DDO: variants seen among roughly 807,000 people sequenced by gnomAD.
The protein encoded by DDO is D-aspartate oxidase, DDO.
Under a neutral mutation model 16.8 loss-of-function variants are expected in DDO, and 16 were observed. The ratio of observed to expected loss-of-function variants is 0.95; its 90% confidence interval spans 0.65 to 1.45. The LOEUF is 1.45. DDO is among the 40% of genes most tolerant of loss of function. The pLI, the probability that DDO is intolerant of heterozygous loss-of-function variation, is 0.00. For missense variants in DDO, 429 were observed against 420.3 expected (o/e 1.02, Z -0.18); for synonymous variants, 180 against 167.2 (o/e 1.08, Z -0.59).
chr6:110,400,115 G>A lies in DDO; in HGVS notation c.458+4659C>T, dbSNP rs191028525. 3.3e-4 allele frequency among the ~76,000 whole-genome samples: 50 copies of A among 152,326 alleles called. No individual in the cohort carries two copies. The East Asian group carries it at 7.0e-3, about 21-fold the overall frequency. On this transcript the variant is annotated intron_variant, in intron 4 of 4. Transcript: ENST00000368924. ...TGACCGCAGGCCCGCAGCCCAGGAC[G>A]GGGTGGCAGGGTTGACCCAGGCCTT... is the stretch of plus-strand genomic sequence containing the variant.
Position 110,413,302 on chromosome 6 carries a change from T to C in DDO, c.161A>G (p.His54Arg), listed in dbSNP as rs1163655857. The change falls in exon 2 of 5, where the codon CAC (histidine) becomes CGC (arginine). Residue 54 changes from histidine (H) to arginine (R), a missense_variant. By Grantham distance (29) the His-to-Arg change is conservative. Coordinates refer to ENST00000368924, the MANE Select transcript of DDO (RefSeq NM_001372108.2). ...CTGAAATCTCTCACCTGGATAAGTG[T>C]GAGGAATAAGCATTCCGGCTGCCAC... ...SDVAAGMLIP[H>R]TYPDTPIHTQ... 1 of 1,614,004 alleles carries C rather than the reference T, an allele frequency of 6.2e-7. No homozygotes were observed. Among genetic ancestry groups the C allele is most frequent in the East Asian group, 2.2e-5 (1 of 44,894 alleles).
In DDO at chr6:110,413,447, T is replaced by A. The variant is rs377347340; in HGVS notation, c.16A>T (p.Ile6Phe). The A allele has an allele frequency of 1.2e-6, 2 of 1,613,450 alleles. No homozygotes were observed. The highest frequency in any genetic ancestry group is 2.7e-5 in the African/African-American group (2 of 74,864). The change falls in exon 2 of 5, where the codon ATT (isoleucine) becomes TTT (phenylalanine). Residue 6 changes from isoleucine (I) to phenylalanine (F), a missense_variant. By Grantham distance (21) the Ile-to-Phe change is conservative. Coordinates refer to ENST00000368924, the MANE Select transcript of DDO (RefSeq NM_001372108.2). MDTAR[I>F]AVVGAGVVGL... is the part of the protein sequence containing the mutation. The stretch of plus-strand genomic sequence containing the variant: ...ACCACACCTGCCCCGACAACTGCAA[T>A]CCGTGCTGTGTCCATGAGCCTGTGA...
Position 110,396,820 on chromosome 6 carries a change from A to G in DDO, c.459-3478T>C, listed in dbSNP as rs192762830. On this transcript the variant is annotated intron_variant, in intron 4 of 4. Coordinates refer to ENST00000368924, the MANE Select transcript of DDO (RefSeq NM_001372108.2). ...CTCTCAGTAAGAATAACCAATTTAGAAGCTTAAATTATGTTCTTAAACATG... is the reference window on the plus strand; with the variant it reads ...CTCTCAGTAAGAATAACCAATTTAGGAGCTTAAATTATGTTCTTAAACATG... Among the ~76,000 whole-genome samples the G allele has an allele frequency of 2.0e-3, 308 of 152,286 alleles. 1 individual carries two copies. The highest frequency in any genetic ancestry group is 7.2e-3 in the African/African-American group (298 of 41,552).
intron 3 of DDO, among the ~76,000 whole-genome samples, chr6:110,406,046 C>T (rs944833368): frequency 1.3e-5 from 2 of 152,160 alleles, no homozygotes; most frequent in Non-Finnish European, 2.9e-5. Context: ...CACAAATGTC[C>T]TTTACTGCAG....
At chr6:110,402,453 T>G (rs1773513630) in intron 4 of DDO, among the ~76,000 whole-genome samples, 1 of 152,098 alleles carries the variant, frequency 6.6e-6, no homozygotes, top group Non-Finnish European at 1.5e-5. Context: ...TCACCTGAGG[T>G]CAGGAGTTCG....
chr6:110,403,482 G>A (rs142946981), intron 4 of DDO, among the ~76,000 whole-genome samples: 6 of 152,254 alleles, frequency 3.9e-5, no homozygotes, highest in East Asian at 1.9e-4. Context: ...CAAAATATAC[G>A]TTTATCAGCT....
At chr6:110,414,902 G>A (rs886172576) in intron 1 of DDO, among the ~76,000 whole-genome samples, 2 of 152,230 alleles carry the variant, frequency 1.3e-5, no homozygotes, top group Admixed American at 1.3e-4. Flanking sequence ...CCTCAGCAAG[G>A]GCTGTTGGCA....
chr6:110,412,797 T>A (rs929662217), intron 2 of DDO, among the ~76,000 whole-genome samples: 2 of 152,226 alleles, frequency 1.3e-5, no homozygotes, highest in African/African-American at 4.8e-5. Context: ...ATTTGGATGT[T>A]GTTTCTGTCC....
At chr6:110,405,981 C>T (rs1461106587) in intron 3 of DDO, among the ~76,000 whole-genome samples, 2 of 152,078 alleles carry the variant, frequency 1.3e-5, no homozygotes, top group Non-Finnish European at 2.9e-5. Flanking sequence ...GCTAATAATT[C>T]CCCCATCGGA....
intron 2 of DDO, 43 bp from the exon 3 acceptor site, chr6:110,408,485 G>T (rs775607116): frequency 1.3e-6 from 2 of 1,566,874 alleles, no homozygotes; most frequent in Non-Finnish European, 1.8e-6. Context: ...AAAGGAAAAT[G>T]ATGATAATGA....
chr6:110,413,683 G>A (rs977175160), intron 1 of DDO, among the ~76,000 whole-genome samples: 3 of 152,184 alleles, frequency 2.0e-5, no homozygotes, highest in East Asian at 1.9e-4. Context: ...CTTTTAGAGA[G>A]TAACACAAAA....
intron 4 of DDO, among the ~76,000 whole-genome samples, chr6:110,395,310 T>C (rs1202696129): frequency 1.3e-5 from 2 of 152,098 alleles, no homozygotes; most frequent in East Asian, 1.9e-4. Flanking sequence ...GACATTGGCT[T>C]TTTCCTCTTT....
At chr6:110,396,617 C>G (rs1455581004) in intron 4 of DDO, among the ~76,000 whole-genome samples, 1 of 151,714 alleles carries the variant, frequency 6.6e-6, no homozygotes, top group Non-Finnish European at 1.5e-5. Context: ...CACAGAGAAC[C>G]AATAAAGCCA....
In DDO at chr6:110,399,951, G is replaced by T. The variant is rs546268125; in HGVS notation, c.458+4823C>A. On this transcript the variant is annotated intron_variant, in intron 4 of 4. Coordinates refer to ENST00000368924, the MANE Select transcript of DDO (RefSeq NM_001372108.2). ...GGCAGCCCTCGGTCCTCTCCTCCCC[G>T]CTGCCCATAACCGACCCACAGCCGG... is the stretch of plus-strand genomic sequence containing the variant. Among the ~76,000 whole-genome samples the T allele has an allele frequency of 2.3e-4, 35 of 152,308 alleles. No homozygotes were observed. The East Asian group carries it at 5.6e-3, about 24-fold the overall frequency.
intron 4 of DDO, among the ~76,000 whole-genome samples, chr6:110,396,699 G>A (rs1773302825): frequency 7.6e-6 from 1 of 132,084 alleles, no homozygotes; most frequent in Non-Finnish European, 1.8e-5. Context: ...TGTTTTGTTT[G>A]TTTGTTTGTT....
At chr6:110,393,385 G>C in intron 4 of DDO, 43 bp from the exon 5 acceptor site, 3 of 1,507,740 alleles carry the variant, frequency 2.0e-6, no homozygotes, top group Non-Finnish European at 2.6e-6. Context: ...TTAGCGACCT[G>C]ATCAACTACT....
Position 110,404,768 on chromosome 6 carries a change from A to G in DDO, c.458+6T>C. On this transcript the variant is annotated splice_donor_region_variant and intron_variant, in intron 4 of 4. Transcript: ENST00000368924. Reference sequence around the variant, plus strand: ...TAAGGAAATATCAGGGAGCATTTCAACTGACCTTTTCTCCAACCACGGGAG... The same window carrying G: ...TAAGGAAATATCAGGGAGCATTTCAGCTGACCTTTTCTCCAACCACGGGAG... 1.2e-6 allele frequency: 2 copies of G among 1,613,932 alleles called. No homozygotes were observed.
chr6:110,409,612 A>G (rs898898945), intron 2 of DDO, among the ~76,000 whole-genome samples: 7 of 152,226 alleles, frequency 4.6e-5, no homozygotes, highest in African/African-American at 1.7e-4. Flanking sequence ...TTTCTTTAGT[A>G]GCGAATCTGT....
chr6:110,391,600 GCTGGGATTGCACCAAAGTA>G (rs1360461561), downstream of DDO, among the ~76,000 whole-genome samples: 2 of 152,146 alleles, frequency 1.3e-5, no homozygotes, highest in South Asian at 2.1e-4. Context: ...CTCCCAAAGT[GCTGGGATTGCACCAAAGTA>G]CTGGGATTGC....
Sources: gnomAD v4.1 joint callset for allele counts (sites outside exome capture counted in the v4.1 genomes callset) on GRCh38, gnomAD v4.1.1 for gene constraint, MANE v1.5 for transcripts, NCBI Gene and HGNC (gene_info 2026-07-23, HGNC 2026-07-21) for gene names.